Variants in FBXL17 observed in about 807,000 individuals in gnomAD.
The protein encoded by FBXL17 is F-box and leucine rich repeat protein 17.
In FBXL17, 22 loss-of-function variants were observed where a neutral mutation model predicts 66.2. That is an observed-to-expected ratio of 0.33 (90% CI 0.24 to 0.47). FBXL17 has a LOEUF of 0.47. Ranked by LOEUF, FBXL17 falls within the 20% of genes least tolerant of loss-of-function variation. The pLI is 1.00. For missense variants in FBXL17, 878 were observed against 948.2 expected, an observed-to-expected ratio of 0.93 and a Z score of 0.97; for synonymous variants, 474 against 400.5, an observed-to-expected ratio of 1.18 and a Z score of -2.19.
intron 7 of FBXL17, among the ~76,000 whole-genome samples, chr5:107,966,005 G>C (rs1752124430): frequency 6.6e-6 from 1 of 152,064 alleles, no homozygotes; most frequent in African/African-American, 2.4e-5. Context: ...ACAAAAGGTA[G>C]AATGGGCTCT....
At chr5:107,979,299 G>A (rs1288402739) in intron 7 of FBXL17, among the ~76,000 whole-genome samples, 1 of 152,094 alleles carries the variant, frequency 6.6e-6, no homozygotes, top group African/African-American at 2.4e-5. Context: ...TCATCTTTCA[G>A]ATAAATAAAT....
chr5:107,968,882 T>C (rs978208839), intron 7 of FBXL17, among the ~76,000 whole-genome samples: 1 of 152,060 alleles, frequency 6.6e-6, no homozygotes, highest in African/African-American at 2.4e-5. Flanking sequence ...AAGGATATAC[T>C]GCTAAAAGTA....
chr5:108,104,996 G>A (rs903320572), intron 6 of FBXL17, among the ~76,000 whole-genome samples: 6 of 151,852 alleles, frequency 4.0e-5, no homozygotes, highest in South Asian at 2.1e-4. Flanking sequence ...TGCCCGCCAC[G>A]ATGCCCAGCT....
At chr5:108,100,333 T>C (rs1749552344) in intron 6 of FBXL17, among the ~76,000 whole-genome samples, 1 of 152,118 alleles carries the variant, frequency 6.6e-6, no homozygotes. Context: ...ATCTAAAAAG[T>C]AGAGGGAATA....
intron 7 of FBXL17, among the ~76,000 whole-genome samples, chr5:107,975,321 C>T (rs999646035): frequency 1.3e-5 from 2 of 152,086 alleles, no homozygotes; most frequent in Non-Finnish European, 2.9e-5. Context: ...AAATTGACTT[C>T]TCTACAGTTA....
intron 7 of FBXL17, among the ~76,000 whole-genome samples, chr5:107,959,413 C>T (rs1751806131): frequency 7.2e-6 from 1 of 139,540 alleles, no homozygotes; most frequent in South Asian, 2.3e-4. Flanking sequence ...CACACACACA[C>T]ACACAGGCAA....
At chr5:107,908,774 T>C (rs951128847) in intron 7 of FBXL17, among the ~76,000 whole-genome samples, 1 of 152,140 alleles carries the variant, frequency 6.6e-6, no homozygotes, top group African/African-American at 2.4e-5. Flanking sequence ...TTTATATCTC[T>C]GGAAAGAAAC....
At chr5:107,950,657 G>T (rs1751469602) in intron 7 of FBXL17, among the ~76,000 whole-genome samples, 1 of 152,150 alleles carries the variant, frequency 6.6e-6, no homozygotes, top group Non-Finnish European at 1.5e-5. Flanking sequence ...AATACAATTT[G>T]CTCACTTAGA....
intron 6 of FBXL17, among the ~76,000 whole-genome samples, chr5:108,128,307 C>T (rs1430170279): frequency 6.6e-6 from 1 of 151,454 alleles, no homozygotes; most frequent in Non-Finnish European, 1.5e-5. Context: ...AACCATCTTT[C>T]AGTAATTATT....
chr5:108,147,076 A>C (rs1751589865), intron 6 of FBXL17, among the ~76,000 whole-genome samples: 1 of 152,124 alleles, frequency 6.6e-6, no homozygotes, highest in African/African-American at 2.4e-5. Flanking sequence ...CTTCTTTTAA[A>C]AGGGCACTCT....
chr5:108,093,202 A>C (rs894280121), intron 6 of FBXL17, among the ~76,000 whole-genome samples: 5 of 152,102 alleles, frequency 3.3e-5, no homozygotes, highest in Admixed American at 6.5e-5. Flanking sequence ...GTTTACTATT[A>C]AAAAATGCCA....
At chr5:108,370,762 C>T (rs1356391030) in intron 1 of FBXL17, among the ~76,000 whole-genome samples, 1 of 150,672 alleles carries the variant, frequency 6.6e-6, no homozygotes, top group Admixed American at 6.6e-5. Flanking sequence ...AAAAAAAAAT[C>T]ATGAAAGTCA....
At chr5:108,243,840 A>G (rs1755972961) in intron 4 of FBXL17, among the ~76,000 whole-genome samples, 1 of 152,166 alleles carries the variant, frequency 6.6e-6, no homozygotes, top group Non-Finnish European at 1.5e-5. Flanking sequence ...GAAATAGTAT[A>G]TACAATTTGA....
chr5:108,065,012 T>C (rs1465037396), intron 6 of FBXL17, among the ~76,000 whole-genome samples: 2 of 152,188 alleles, frequency 1.3e-5, no homozygotes, highest in African/African-American at 2.4e-5. Context: ...GTTAAGAGAA[T>C]GAAAATGAAG....
intron 7 of FBXL17, among the ~76,000 whole-genome samples, chr5:107,921,525 T>C (rs1292550069): frequency 1.3e-5 from 2 of 152,144 alleles, no homozygotes; most frequent in African/African-American, 2.4e-5. Flanking sequence ...TGGCATGGCA[T>C]AGAGGAAGGG....
intron 4 of FBXL17, among the ~76,000 whole-genome samples, chr5:108,345,840 A>G (rs1747243124): frequency 6.6e-6 from 1 of 152,146 alleles, no homozygotes; most frequent in Non-Finnish European, 1.5e-5. Flanking sequence ...ATTTTAAGTC[A>G]GCAAAGTTTA....
In FBXL17 at chr5:108,233,609, T is replaced by C. The variant is rs112192110; in HGVS notation, c.1507-9381A>G. 7.1e-3 allele frequency among the ~76,000 whole-genome samples: 1,082 copies of C among 152,280 alleles called. 9 individuals are homozygous for C. Among genetic ancestry groups the C allele is most frequent in the African/African-American group, 0.025 (1,047 of 41,568 alleles). The stretch of plus-strand genomic sequence containing the variant: ...ACCCTCAGATTCAACATGATTCACA[T>C]GGCAGAGGTAAAGAACGATCTTCTC... On this transcript the variant is annotated intron_variant, in intron 4 of 8. Coordinates refer to ENST00000542267, the MANE Select transcript of FBXL17 (RefSeq NM_001163315.3).
chr5:108,224,195 G>T lies in FBXL17; in HGVS notation c.1540C>A (p.His514Asn), dbSNP rs1580646502. 1.2e-6 allele frequency: 2 copies of T among 1,610,038 alleles called. No individual in the cohort carries two copies. The highest frequency in any genetic ancestry group is 1.3e-5 in the African/African-American group (1 of 74,960). Reference sequence around the variant, plus strand: ...CCTACATATTGAAGCTCAGGACAGTGTTCAGCAAATGCTTTCACTGACTGA... The same window carrying T: ...CCTACATATTGAAGCTCAGGACAGTTTTCAGCAAATGCTTTCACTGACTGA... ...TDQSVKAFAE[H>N]CPELQYVGFM... The change falls in exon 5 of 9, where the codon CAC (histidine) becomes AAC (asparagine). Residue 514 changes from histidine (H) to asparagine (N), a missense_variant. His to Asn is a moderately conservative substitution (Grantham distance 68, BLOSUM62 1). This residue lies in a region of FBXL17 where 236 missense variants were observed against 389.1 expected (regional missense o/e 0.61). Transcript: ENST00000542267.
At chr5:108,039,565 C>T (rs1326021736) in intron 6 of FBXL17, among the ~76,000 whole-genome samples, 1 of 152,052 alleles carries the variant, frequency 6.6e-6, no homozygotes, top group African/African-American at 2.4e-5. Context: ...AATAAAATTA[C>T]TTCCCAAAGC....
Sources: allele counts gnomAD v4.1 joint callset (sites outside exome capture counted in the v4.1 genomes callset), GRCh38; gene constraint gnomAD v4.1.1; regional missense constraint gnomAD v4.1.1; transcripts MANE v1.5; gene names NCBI Gene and HGNC (gene_info 2026-07-23, HGNC 2026-07-21).